Variants in LONRF3 observed in about 807,000 individuals in gnomAD.
LONRF3 encodes LON peptidase N-terminal domain and RING finger protein 3.
In LONRF3, 19 loss-of-function variants were observed where a neutral mutation model predicts 51.7. That is an observed-to-expected ratio of 0.37 (90% CI 0.26 to 0.54). The LOEUF is 0.54. Ranked by LOEUF, LONRF3 falls within the 20% of genes least tolerant of loss-of-function variation. LONRF3 has a pLI of 0.86. For synonymous variants in LONRF3, 265 were observed against 257.8 expected (o/e 1.03, Z -0.27); for missense variants, 521 against 623.9 (o/e 0.84, Z 1.76).
chrX:118,984,624 G>C (rs1309657998), intron 3 of LONRF3, among the ~76,000 whole-genome samples: 1 of 112,245 alleles, frequency 8.9e-6, no homozygotes, highest in Non-Finnish European at 1.9e-5. Context: ...AAGCTCTGGA[G>C]ACCCAAAGAG....
intron 10 of LONRF3, among the ~76,000 whole-genome samples, chrX:119,016,893 C>T (rs1925499697): frequency 9.0e-6 from 1 of 111,730 alleles, no homozygotes; most frequent in Admixed American, 9.5e-5. Context: ...ATGCATCAGT[C>T]CAAAGGACCT....
At chrX:118,984,734 T>C (rs191309622) in intron 3 of LONRF3, among the ~76,000 whole-genome samples, 24 of 112,072 alleles carry the variant, frequency 2.1e-4, no homozygotes, top group Admixed American at 3.8e-4. Flanking sequence ...TGATGAGTGT[T>C]ACAGAGTTCT....
intron 6 of LONRF3, among the ~76,000 whole-genome samples, chrX:119,006,709 TC>T (rs1924751157): frequency 9.0e-6 from 1 of 110,888 alleles, no homozygotes; most frequent in Admixed American, 9.5e-5. Flanking sequence ...TGCCTCAGCC[TC>T]CCCGAGTAGC....
At position 118,993,853 on chromosome X, in the gene LONRF3, G is replaced by T. The variant is rs750938601; in HGVS notation, c.1415+3293G>T. Among the ~76,000 whole-genome samples the T allele has an allele frequency of 2.7e-5, 3 of 112,014 alleles. No individual in the cohort carries two copies. In the South Asian group the frequency reaches 1.1e-3, roughly 42 times the overall value. ...CAGCAGAAACCCTAAAAGCTAGAAGGGACTGGGGACCTATCTTCAGCCTCC... is the reference window on the plus strand; with the variant it reads ...CAGCAGAAACCCTAAAAGCTAGAAGTGACTGGGGACCTATCTTCAGCCTCC... On this transcript the variant is annotated intron_variant, in intron 5 of 10. Coordinates refer to ENST00000371628, the MANE Select transcript of LONRF3 (RefSeq NM_001031855.3).
At chrX:118,975,647 A>G (rs768632270) in intron 1 of LONRF3, 50 bp downstream of exon 1, 9 of 860,546 alleles carry the variant, frequency 1.0e-5, no homozygotes, top group Non-Finnish European at 1.3e-5. Context: ...TGGCTACATG[A>G]GGGAGCGGGA....
chrX:119,016,546 G>A (rs769770290), intron 10 of LONRF3, among the ~76,000 whole-genome samples: 13 of 110,406 alleles, frequency 1.2e-4, no homozygotes, highest in Non-Finnish European at 2.3e-4. Flanking sequence ...ATGGGGTTTC[G>A]TCGTGTTAGC....
chrX:118,987,851 G>A (rs1468277332), intron 3 of LONRF3, among the ~76,000 whole-genome samples: 1 of 111,740 alleles, frequency 8.9e-6, no homozygotes, highest in Non-Finnish European at 1.9e-5. Context: ...CTTCCAATAC[G>A]TATTTGTAAC....
intron 5 of LONRF3, among the ~76,000 whole-genome samples, chrX:118,995,390 GAA>G (rs966112350): frequency 6.3e-5 from 7 of 111,846 alleles, no homozygotes; most frequent in African/African-American, 2.3e-4. Flanking sequence ...CAAAAAGTCT[GAA>G]AGAGTACAAA....
chrX:119,012,381 T>G (rs1925169162), intron 8 of LONRF3, among the ~76,000 whole-genome samples: 1 of 110,477 alleles, frequency 9.1e-6, no homozygotes, highest in Non-Finnish European at 1.9e-5. Context: ...GGAAGATTGG[T>G]GAGTTAATAA....
At chrX:119,008,275 ATTGT>A (rs1924867974) in intron 6 of LONRF3, among the ~76,000 whole-genome samples, 1 of 112,584 alleles carries the variant, frequency 8.9e-6, no homozygotes, top group African/African-American at 3.2e-5. Flanking sequence ...AAGGAACAAA[ATTGT>A]TTGAAGCCAA....
intron 2 of LONRF3, among the ~76,000 whole-genome samples, chrX:118,981,267 T>C (rs1191496857): frequency 1.8e-5 from 2 of 109,840 alleles, no homozygotes; most frequent in Admixed American, 9.7e-5. Flanking sequence ...GGTGGATAAC[T>C]TGAGGTTAGG....
chrX:119,017,774 T>C lies in LONRF3; in HGVS notation c.*84T>C. On this transcript the variant is annotated 3_prime_UTR_variant, in exon 11 of 11. Coordinates refer to ENST00000371628, the MANE Select transcript of LONRF3 (RefSeq NM_001031855.3). ...TTGTAAATATATCTAATTGCAATAA[T>C]ATCTTAACAGAAGGGGGTGTCAAAC... is the stretch of plus-strand genomic sequence containing the variant. 2.2e-6 allele frequency: 2 copies of C among 910,439 alleles called. No homozygotes were observed. Among genetic ancestry groups the C allele is most frequent in the Non-Finnish European group, 3.0e-6 (2 of 669,265 alleles). The allele number at this position is 910,439 out of a possible 1,213,427, so 75.0% of individuals were successfully genotyped here. A position where few individuals can be genotyped will look rare whatever the true frequency, so the allele number is the denominator to read the frequency against.
chrX:119,006,023 A>G (rs1359306316), intron 5 of LONRF3, 98 bp from the exon 6 acceptor site: 1 of 487,839 alleles, frequency 2.0e-6, no homozygotes, highest in Non-Finnish European at 3.4e-6. Context: ...CCCCCACCCT[A>G]AAATATTCTA....
chrX:118,986,980 C>A (rs1037932423), intron 3 of LONRF3: 13 of 1,152,115 alleles, frequency 1.1e-5, no homozygotes, highest in Middle Eastern at 2.3e-4. Context: ...GAACATTCTC[C>A]CGATATCCTG....
At chrX:118,992,197 C>T in intron 5 of LONRF3, among the ~76,000 whole-genome samples, 1 of 111,569 alleles carries the variant, frequency 9.0e-6, no homozygotes. Context: ...GGCCCACAGT[C>T]CCTCTGAAGG....
At position 118,987,446 on chromosome X, in the gene LONRF3, T is replaced by TTTTTG. The variant is rs58491313; in HGVS notation, c.1060-1958_1060-1957insGTTTT. On this transcript the variant is annotated intron_variant, in intron 3 of 10. Transcript: ENST00000371628. The stretch of plus-strand genomic sequence containing the variant: ...GCACGTGCCACCATGCCTGGCTAAG[T>TTTTTG]TTTTTTTTTTTTTTTTTTTTTTTTT... 0.014 allele frequency among the ~76,000 whole-genome samples: 151 copies of TTTTTG among 10,673 alleles called. 4 individuals are homozygous for TTTTTG. The Admixed American group carries it at 0.17, about 12-fold the overall frequency. 9.3% of individuals were successfully genotyped at this position (10,673 alleles called of 115,157 possible).
intron 9 of LONRF3, among the ~76,000 whole-genome samples, chrX:119,013,659 G>A (rs1001205140): frequency 3.6e-5 from 4 of 111,923 alleles, no homozygotes; most frequent in African/African-American, 9.7e-5. Flanking sequence ...CATCCCCTAA[G>A]GCAGAAAGAT....
In LONRF3 at chrX:119,017,660, C is replaced by T. The variant is rs1315739193; in HGVS notation, c.2250C>T (p.Val750=). ...ACAGACTGAATGGTATTCGACGAGTCCTGGCCTTCATATCCCGAAACCAAA... is the reference window on the plus strand; with the variant it reads ...ACAGACTGAATGGTATTCGACGAGTTCTGGCCTTCATATCCCGAAACCAAA... ...LKDRLNGIRR[V]LAFISRNQN Residue 750 remains valine (V), a synonymous_variant, in exon 11 of 11, where the codon GTC becomes GTT. Transcript: ENST00000371628. 8.4e-7 allele frequency: 1 copy of T among 1,196,652 alleles called. No homozygotes were observed. The highest frequency in any genetic ancestry group is 1.1e-6 in the Non-Finnish European group (1 of 888,681).
At chrX:119,011,177 A>G (rs1205378027) in intron 7 of LONRF3, among the ~76,000 whole-genome samples, 2 of 110,669 alleles carry the variant, frequency 1.8e-5, no homozygotes, top group African/African-American at 6.6e-5. Context: ...ATGCATCAGT[A>G]TCTCTGGTAA....
Sources: gnomAD v4.1 joint callset for allele counts (sites outside exome capture counted in the v4.1 genomes callset) on GRCh38, gnomAD v4.1.1 for gene constraint, MANE v1.5 for transcripts, NCBI Gene and HGNC (gene_info 2026-07-23, HGNC 2026-07-21) for gene names.